RANBP2: variants seen among roughly 807,000 people sequenced by gnomAD.
RANBP2 encodes E3 SUMO-protein ligase RanBP2.
RANBP2 carries 57 observed loss-of-function variants against 303.6 expected under a neutral mutation model. That is an observed-to-expected ratio of 0.19 (90% CI 0.15 to 0.23). RANBP2 has a LOEUF of 0.23. Ranked by LOEUF, RANBP2 falls within the 10% of genes least tolerant of loss-of-function variation. The pLI, the probability that RANBP2 is intolerant of heterozygous loss-of-function variation, is 1.00. For synonymous variants in RANBP2, 1,167 were observed against 1,301.5 expected (o/e 0.90, Z 2.23); for missense variants, 3,138 against 3,780.8 (o/e 0.83, Z 4.46).
chr2:109,292,845 G>A, the RANBP2 span, among the ~76,000 whole-genome samples: 3 of 152,132 alleles, frequency 2.0e-5, no homozygotes, highest in Non-Finnish European at 4.4e-5. Flanking sequence ...CGATTCTCTT[G>A]CCTCAGCCTC....
the RANBP2 span, among the ~76,000 whole-genome samples, chr2:108,971,640 ATT>A: frequency 1.3e-5 from 2 of 152,204 alleles, no homozygotes; most frequent in African/African-American, 4.8e-5. Context: ...CAGCTCTCTC[ATT>A]TTATGGAAGA....
chr2:108,846,663 C>T, the RANBP2 span: 3 of 1,334,490 alleles, frequency 2.2e-6, no homozygotes, highest in South Asian at 3.9e-5. Flanking sequence ...GGCAACAGAG[C>T]AAGACTGTGT....
chr2:109,147,615 G>A, the RANBP2 span, among the ~76,000 whole-genome samples: 2 of 152,182 alleles, frequency 1.3e-5, no homozygotes, highest in African/African-American at 2.4e-5. Context: ...GTCTCATAGC[G>A]TGTTATCGAT....
chr2:109,243,181 C>T, the RANBP2 span, among the ~76,000 whole-genome samples: 1 of 152,342 alleles, frequency 6.6e-6, no homozygotes, highest in African/African-American at 2.4e-5. Context: ...CTGAGGAAAG[C>T]TTCTTGAGGT....
the RANBP2 span, among the ~76,000 whole-genome samples, chr2:109,732,210 T>G: frequency 1.3e-5 from 2 of 152,132 alleles, no homozygotes; most frequent in Non-Finnish European, 2.9e-5. Context: ...AGTAAAGTAT[T>G]AATTAATTGC....
the RANBP2 span, among the ~76,000 whole-genome samples, chr2:109,055,677 C>T: frequency 6.6e-6 from 1 of 151,648 alleles, no homozygotes; most frequent in African/African-American, 2.4e-5. Flanking sequence ...AGCCACCACG[C>T]CCAGCGGCCT....
the RANBP2 span, among the ~76,000 whole-genome samples, chr2:108,808,778 A>C: frequency 4.6e-5 from 7 of 152,046 alleles, no homozygotes; most frequent in East Asian, 1.4e-3. Context: ...GTTTGCATAT[A>C]TTTTCTCCTA....
At chr2:109,172,274 T>C in the RANBP2 span, among the ~76,000 whole-genome samples, 133,967 of 152,218 alleles carry the variant, frequency 0.88, 59,231 homozygotes, top group African/African-American at 0.97. Context: ...GGGCAACAGC[T>C]GCGTGTGGCC....
chr2:109,481,050 G>A, the RANBP2 span, among the ~76,000 whole-genome samples: 1 of 152,174 alleles, frequency 6.6e-6, no homozygotes, highest in Non-Finnish European at 1.5e-5. Flanking sequence ...GGAAACAGAG[G>A]GACAGGCAGC....
chr2:109,078,109 T>TGGC, the RANBP2 span, among the ~76,000 whole-genome samples: 1 of 87,732 alleles, frequency 1.1e-5, no homozygotes, highest in Non-Finnish European at 2.1e-5. Context: ...TATATATATA[T>TGGC]ATATATATAG....
chr2:108,813,948 T>A, the RANBP2 span, among the ~76,000 whole-genome samples: 1 of 152,216 alleles, frequency 6.6e-6, no homozygotes, highest in Non-Finnish European at 1.5e-5. Context: ...CTCAATAGTA[T>A]TTCATTGTAT....
chr2:109,638,682 A>T, the RANBP2 span, among the ~76,000 whole-genome samples: 1 of 152,216 alleles, frequency 6.6e-6, no homozygotes. Context: ...ACAAAAACAA[A>T]AATTGTTTTT....
the RANBP2 span, among the ~76,000 whole-genome samples, chr2:109,537,047 T>TA: frequency 6.6e-6 from 1 of 152,228 alleles, no homozygotes; most frequent in African/African-American, 2.4e-5. Flanking sequence ...GAAAACAGAC[T>TA]AATACACTTG....
the RANBP2 span, among the ~76,000 whole-genome samples, chr2:109,708,809 C>G: frequency 6.6e-6 from 1 of 151,352 alleles, no homozygotes; most frequent in Non-Finnish European, 1.5e-5. Context: ...AACCCTGTCT[C>G]TACTAAAAAT....
the RANBP2 span, among the ~76,000 whole-genome samples, chr2:109,138,818 A>G: frequency 0.04 from 6,147 of 152,312 alleles, 365 homozygotes; most frequent in African/African-American, 0.14. Context: ...AATTCAGTCC[A>G]CACATATGTA....
chr2:108,813,248 C>CAAAAAA, the RANBP2 span, among the ~76,000 whole-genome samples: 27 of 63,552 alleles, frequency 4.2e-4, no homozygotes, highest in East Asian at 1.5e-3. Context: ...GACTCCGTCT[C>CAAAAAA]AAAAAAAAAA....
chr2:108,921,040 C>T, the RANBP2 span, among the ~76,000 whole-genome samples: 1 of 152,166 alleles, frequency 6.6e-6, no homozygotes, highest in Non-Finnish European at 1.5e-5. Flanking sequence ...CCTGATGAAT[C>T]GGGGGTGGGC....
chr2:109,679,274 C>A, the RANBP2 span, among the ~76,000 whole-genome samples: 3 of 152,204 alleles, frequency 2.0e-5, no homozygotes, highest in Non-Finnish European at 4.4e-5. Context: ...AACTGCATGT[C>A]AGGCAACTCA....
At chr2:109,421,798 C>G in the RANBP2 span, among the ~76,000 whole-genome samples, 1 of 152,202 alleles carries the variant, frequency 6.6e-6, no homozygotes, top group Non-Finnish European at 1.5e-5. Flanking sequence ...GCCCTCCATG[C>G]AGGAGCTGGA....
Sources: gnomAD v4.1 joint callset for allele counts (sites outside exome capture counted in the v4.1 genomes callset) on GRCh38, gnomAD v4.1.1 for gene constraint, MANE v1.5 for transcripts, NCBI Gene and HGNC (gene_info 2026-07-23, HGNC 2026-07-21) for gene names.